The following ZNF839 variants were observed in gnomAD, a reference collection of about 807,000 sequenced individuals.
ZNF839 encodes the protein renal carcinoma antigen NY-REN-50.
ZNF839 carries 38 observed loss-of-function variants against 56.4 expected under a neutral mutation model. The ratio of observed to expected loss-of-function variants is 0.67; its 90% confidence interval spans 0.52 to 0.88. The LOEUF is 0.88. ZNF839 is among the 40% of genes least tolerant of loss of function. The pLI is 0.00. For synonymous variants in ZNF839, 486 were observed against 493.5 expected, an observed-to-expected ratio of 0.98 and a Z score of 0.20; for missense variants, 1,091 against 1,177.6, an observed-to-expected ratio of 0.93 and a Z score of 1.08.
Position 102,342,077 on chromosome 14 carries a change from C to A in ZNF839, c.2682C>A (p.Ser894=). 18 of 1,613,952 alleles carry A rather than the reference C, an allele frequency of 1.1e-5. No individual in the cohort carries two copies. The highest frequency in any genetic ancestry group is 1.5e-5 in the Non-Finnish European group (18 of 1,179,894). The change falls in exon 8 of 8, where the codon TCC becomes TCA. Residue 894 remains serine, a synonymous_variant. Coordinates refer to ENST00000442396, the MANE Select transcript of ZNF839 (RefSeq NM_018335.6). ...QGQKQIFIQT[S]DGLILSPPGT... is the part of the protein sequence containing the mutation. ...AGAAGCAGATTTTTATTCAGACTTC[C>A]GATGGGCTTATCTTGTCCCCTCCAG...
intron 2 of ZNF839, among the ~76,000 whole-genome samples, chr14:102,327,204 G>A (rs2073462374): frequency 6.6e-6 from 1 of 152,098 alleles, no homozygotes; most frequent in Non-Finnish European, 1.5e-5. Flanking sequence ...ACAGTGGCCT[G>A]ATCTTGGCTC....
chr14:102,330,814 G>A (rs747726680), intron 2 of ZNF839, among the ~76,000 whole-genome samples: 9 of 152,162 alleles, frequency 5.9e-5, no homozygotes, highest in Non-Finnish European at 1.2e-4. Context: ...CACCGGGCAC[G>A]CCTGGCCTTT....
At chr14:102,328,077 G>A (rs533246827) in intron 2 of ZNF839, among the ~76,000 whole-genome samples, 46 of 151,712 alleles carry the variant, frequency 3.0e-4, no homozygotes, top group African/African-American at 8.7e-4. Context: ...TTATTGAGCC[G>A]GGTGCAGTGG....
rs773441102 is a variant in ZNF839 at position 102,326,160 on chromosome 14, C to A, written c.464C>A (p.Pro155Gln). Residue 155 changes from proline to glutamine, a missense_variant, in exon 2 of 8, where the codon CCG (proline) becomes CAG (glutamine). Coordinates refer to ENST00000442396, the MANE Select transcript of ZNF839 (RefSeq NM_018335.6). The surrounding 1 kb of genome is among the most constrained non-coding windows in gnomAD (Gnocchi z 4.3). ...IASPQLLRVQ[P>Q]LVRTEPQSCF... ...AGCCCTCAGCTGCTCAGGGTACAGC[C>A]GCTTGTGAGAACCGAGCCACAGTCC... 1 of 1,613,832 alleles carries A rather than the reference C, an allele frequency of 6.2e-7. No homozygotes were observed. The highest frequency in any genetic ancestry group is 8.5e-7 in the Non-Finnish European group (1 of 1,179,808).
chr14:102,323,239 T>TACTGGCATCTAG (rs758747998), intron 1 of ZNF839, among the ~76,000 whole-genome samples: 103 of 152,366 alleles, frequency 6.8e-4, no homozygotes, highest in Non-Finnish European at 1.2e-3. Context: ...TCGGGATCAC[T>TACTGGCATCTAG]ACTGGCATCT....
rs1365209586 is a variant in ZNF839, at chr14:102,342,165, G to A, written c.2770G>A (p.Gly924Arg). ...GACTGATGCAGAGGGGCGTGCCTGCGGATGGGCCCGCTAGAAGGAGTTCCT... is the reference window on the plus strand; with the variant it reads ...GACTGATGCAGAGGGGCGTGCCTGCAGATGGGCCCGCTAGAAGGAGTTCCT... ...TVTDAEGRAC[G>R]WAR The change falls in exon 8 of 8, where the codon GGA (glycine) becomes AGA (arginine). Residue 924 changes from glycine (G) to arginine (R), a missense_variant. By Grantham distance (125) the Gly-to-Arg change is moderately radical. Coordinates refer to ENST00000442396, the MANE Select transcript of ZNF839 (RefSeq NM_018335.6). The A allele has an allele frequency of 6.8e-6, 11 of 1,606,876 alleles. No individual in the cohort carries two copies. The highest frequency in any genetic ancestry group is 2.7e-5 in the African/African-American group (2 of 74,804).
intron 1 of ZNF839, among the ~76,000 whole-genome samples, chr14:102,321,007 T>C (rs571925735): frequency 2.6e-5 from 4 of 152,332 alleles, no homozygotes; most frequent in Admixed American, 1.3e-4. Flanking sequence ...CCTTCACTCG[T>C]TGAGTTTTTT....
intron 4 of ZNF839, 192 bp downstream of exon 4, chr14:102,334,838 T>C: frequency 4.2e-6 from 1 of 239,364 alleles, no homozygotes; most frequent in African/African-American, 2.3e-5. Flanking sequence ...AAACTGCTGG[T>C]CTCTAGCAAT....
Position 102,331,736 on chromosome 14 carries a change from G to A in ZNF839, c.1306G>A (p.Ala436Thr), listed in dbSNP as rs200649815. 412 of 1,605,320 alleles carry A rather than the reference G, an allele frequency of 2.6e-4. No homozygotes were observed. The highest frequency in any genetic ancestry group is 2.8e-4 in the Non-Finnish European group (331 of 1,175,928). Reference protein sequence around the residue: ...PRRRACSETLAESRTAVLQQR... With the variant: ...PRRRACSETLTESRTAVLQQR... ...AAGACGCGCATGCTCAGAGACCCTT[G>A]CAGAGTCCCGCACAGCTGTCCTCCA... Residue 436 changes from alanine to threonine, a missense_variant, in exon 3 of 8, where the codon GCA becomes ACA. Transcript: ENST00000442396.
chr14:102,337,217 T>C (rs1885854761), intron 5 of ZNF839: 3 of 152,228 alleles, frequency 2.0e-5, no homozygotes, highest in African/African-American at 7.2e-5. Flanking sequence ...TCAGCCAGGC[T>C]TGAGTGCAAT....
chr14:102,326,010 T>G lies in ZNF839; in HGVS notation c.314T>G (p.Val105Gly). ...PQQLEAICVK[V>G]TSGETKGQER... ...CAACTAGAAGCCATTTGTGTCAAGG[T>G]AACGTCTGGAGAAACAAAAGGTCAG... The change falls in exon 2 of 8, where the codon GTA (valine) becomes GGA (glycine). Residue 105 changes from valine to glycine, a missense_variant. Val to Gly is a moderately radical substitution (Grantham distance 109). This residue lies in a region of ZNF839 where 614 missense variants were observed against 629.2 expected (regional missense o/e 0.98). Transcript: ENST00000442396. The surrounding 1 kb of genome is among the most constrained non-coding windows in gnomAD (Gnocchi z 4.3). 1 of 1,612,852 alleles carries G rather than the reference T, an allele frequency of 6.2e-7. No individual in the cohort carries two copies. The highest frequency in any genetic ancestry group is 8.5e-7 in the Non-Finnish European group (1 of 1,179,432).
upstream of ZNF839, chr14:102,319,584 C>T: frequency 3.7e-6 from 3 of 801,080 alleles, no homozygotes; most frequent in Non-Finnish European, 5.0e-6. This position sits in a 1 kb window ranked among gnomAD's most constrained non-coding sequence, Gnocchi z 4.5. Flanking sequence ...TGCTGATCAG[C>T]CCTAAGAGCC....
chr14:102,328,919 C>T (rs1031490243), intron 2 of ZNF839, among the ~76,000 whole-genome samples: 27 of 151,856 alleles, frequency 1.8e-4, no homozygotes, highest in African/African-American at 6.0e-4. Context: ...CTATTGTGAA[C>T]GATGCTGCTA....
At position 102,326,933 on chromosome 14, in the gene ZNF839, G is replaced by A. The variant is rs571985422; in HGVS notation, c.1191+46G>A. 16 of 1,507,858 alleles carry A rather than the reference G, an allele frequency of 1.1e-5. No homozygotes were observed. Among genetic ancestry groups the A allele is most frequent in the South Asian group, 1.3e-5 (1 of 77,352 alleles). The allele number at this position is 1,507,858 out of a possible 1,614,324, so 93.4% of individuals were successfully genotyped here. A position where few individuals can be genotyped will look rare whatever the true frequency, so the allele number is the denominator to read the frequency against. On this transcript the variant is annotated intron_variant, in intron 2 of 7. Transcript: ENST00000442396. This position sits in a 1 kb window ranked among gnomAD's most constrained non-coding sequence, Gnocchi z 4.3. ...TGTGTCTTTTTATTTGGCCGTTCTC[G>A]GATTGCTATAAAGAAATACCTGAGA... is the stretch of plus-strand genomic sequence containing the variant.
chr14:102,330,962 C>T (rs769818028), intron 2 of ZNF839, among the ~76,000 whole-genome samples: 18 of 152,090 alleles, frequency 1.2e-4, no homozygotes, highest in South Asian at 2.1e-4. Flanking sequence ...GAAAGTAGAC[C>T]GGTGGTTACC....
chr14:102,328,391 T>A lies in ZNF839; in HGVS notation c.1191+1504T>A, dbSNP rs1186464185. On this transcript the variant is annotated intron_variant, in intron 2 of 7. Transcript: ENST00000442396. ...AAAAAAAAAAATATATATATATATA[T>A]ATATATATATATATATATATGTATA... is the stretch of plus-strand genomic sequence containing the variant. 2.9e-3 allele frequency among the ~76,000 whole-genome samples: 220 copies of A among 75,410 alleles called. 2 individuals carry two copies. The highest frequency in any genetic ancestry group is 0.012 in the African/African-American group (181 of 14,904). 49.5% of individuals were successfully genotyped at this position (75,410 alleles called of 152,430 possible).
At chr14:102,328,375 A>AATAT (rs71116898) in intron 2 of ZNF839, among the ~76,000 whole-genome samples, 294 of 16,308 alleles carry the variant, frequency 0.018, 16 homozygotes, top group South Asian at 0.026. Context: ...AAAAAAAAAA[A>AATAT]ATATATATAT....
chr14:102,338,641 C>T (rs1886130845), intron 5 of ZNF839, among the ~76,000 whole-genome samples, 175 bp from the exon 6 acceptor site: 1 of 151,558 alleles, frequency 6.6e-6, no homozygotes, highest in South Asian at 2.1e-4. Context: ...ATCAGCTAGT[C>T]CATCTAACAT....
chr14:102,325,910 A>G, intron 1 of ZNF839, 75 bp from the exon 2 acceptor site: 2 of 1,482,080 alleles, frequency 1.3e-6, no homozygotes, highest in Non-Finnish European at 1.8e-6. Context: ...TAATGGTTTT[A>G]TGACGAGACT....
Sources: allele counts gnomAD v4.1 joint callset (sites outside exome capture counted in the v4.1 genomes callset), GRCh38; gene constraint gnomAD v4.1.1; regional missense constraint gnomAD v4.1.1; non-coding constraint Gnocchi (gnomAD v3.1); transcripts MANE v1.5; gene names NCBI Gene and HGNC (gene_info 2026-07-23, HGNC 2026-07-21).